CREB3L2: variants seen among roughly 807,000 people sequenced by gnomAD.
CREB3L2 encodes cAMP responsive element binding protein 3 like 2.
CREB3L2 carries 23 observed loss-of-function variants against 57.2 expected under a neutral mutation model. The ratio of observed to expected loss-of-function variants is 0.40; its 90% confidence interval spans 0.29 to 0.57. CREB3L2 has a LOEUF of 0.57. Ranked by LOEUF, CREB3L2 falls within the 20% of genes least tolerant of loss-of-function variation. The pLI is 0.42. For missense variants in CREB3L2, 628 were observed against 634.7 expected, an observed-to-expected ratio of 0.99 and a Z score of 0.11; for synonymous variants, 268 against 265.1, an observed-to-expected ratio of 1.01 and a Z score of -0.11.
chr7:137,923,940 A>G (rs1046322067), intron 2 of CREB3L2, among the ~76,000 whole-genome samples: 1 of 152,198 alleles, frequency 6.6e-6, no homozygotes, highest in Non-Finnish European at 1.5e-5. Flanking sequence ...AGGCAGAGAT[A>G]AAACCCTAGT....
At position 137,882,417 on chromosome 7, in the gene CREB3L2, C is replaced by CTGCT. The variant is rs750048206; in HGVS notation, c.1478_1481dup (p.His495AlafsTer12). ...TCTGTGTCTCTATGACTCACAGGTG[C>CTGCT]TGCTGCAGCTCCAAAAGCACTGACT... On this transcript the variant is annotated frameshift_variant, in exon 11 of 12. Transcript: ENST00000330387. LOFTEE classifies it high-confidence loss of function. 1 of 1,611,738 alleles carries CTGCT rather than the reference C, an allele frequency of 6.2e-7. No homozygotes were observed. The highest frequency in any genetic ancestry group is 1.7e-5 in the Admixed American group (1 of 59,922).
At chr7:137,986,474 T>C (rs1801794167) in intron 1 of CREB3L2, among the ~76,000 whole-genome samples, 1 of 152,196 alleles carries the variant, frequency 6.6e-6, no homozygotes, top group Admixed American at 6.5e-5. Context: ...ATCCATTACT[T>C]TGACACAAAG....
chr7:137,897,891 G>A (rs1008084708), intron 8 of CREB3L2, among the ~76,000 whole-genome samples: 9 of 151,830 alleles, frequency 5.9e-5, no homozygotes, highest in East Asian at 1.9e-4. Flanking sequence ...TCCTTAAGTC[G>A]AAACGTATGA....
chr7:137,907,445 C>G (rs1585612675), intron 5 of CREB3L2, among the ~76,000 whole-genome samples: 1 of 152,096 alleles, frequency 6.6e-6, no homozygotes, highest in Admixed American at 6.5e-5. Flanking sequence ...AGGGTGAATT[C>G]CCTTGTCCTC....
chr7:137,893,074 G>GA (rs949846330), intron 8 of CREB3L2, among the ~76,000 whole-genome samples: 28 of 146,128 alleles, frequency 1.9e-4, no homozygotes, highest in East Asian at 4.0e-4. Flanking sequence ...TGGCCTAAAT[G>GA]AAAAAAAAAA....
intron 1 of CREB3L2, among the ~76,000 whole-genome samples, chr7:137,977,182 T>C (rs1333934366): frequency 6.6e-6 from 1 of 152,202 alleles, no homozygotes; most frequent in African/African-American, 2.4e-5. Flanking sequence ...AGTGGAAGTC[T>C]GCATGGAAAT....
At chr7:137,887,577 C>T (rs1450903267) in intron 8 of CREB3L2, among the ~76,000 whole-genome samples, 5 of 152,038 alleles carry the variant, frequency 3.3e-5, no homozygotes, top group Non-Finnish European at 7.4e-5. Context: ...GGCACGGTGG[C>T]GGGCGTCTGT....
intron 1 of CREB3L2, among the ~76,000 whole-genome samples, chr7:137,955,862 C>T (rs983458287): frequency 3.9e-5 from 6 of 152,166 alleles, no homozygotes; most frequent in Admixed American, 6.5e-5. Context: ...TGCAAAAATT[C>T]AAAAAATTAC....
At chr7:137,899,116 G>A (rs1346277610) in intron 8 of CREB3L2, among the ~76,000 whole-genome samples, 2,991 of 100,352 alleles carry the variant, frequency 0.03, 44 homozygotes, top group Admixed American at 0.065. Flanking sequence ...AAGGAAGGAA[G>A]GAAGGAAGGA....
At chr7:137,946,096 T>C (rs930650449) in intron 1 of CREB3L2, among the ~76,000 whole-genome samples, 2 of 152,186 alleles carry the variant, frequency 1.3e-5, no homozygotes, top group African/African-American at 4.8e-5. Flanking sequence ...TCCTGCCCAC[T>C]GTAATAGGCT....
In CREB3L2 at chr7:138,001,598, C is replaced by T; in HGVS notation, c.102+6G>A. The T allele has an allele frequency of 6.2e-7, 1 of 1,608,356 alleles. No individual in the cohort carries two copies. The highest frequency in any genetic ancestry group is 8.5e-7 in the Non-Finnish European group (1 of 1,176,464). ...AGCCCTCCTGCCCCGCCCGCCGGGTCCTCACCGTGTGGTACATGAGGGCCT... is the reference window on the plus strand; with the variant it reads ...AGCCCTCCTGCCCCGCCCGCCGGGTTCTCACCGTGTGGTACATGAGGGCCT... On this transcript the variant is annotated splice_donor_region_variant and intron_variant, in intron 1 of 11. Coordinates refer to ENST00000330387, the MANE Select transcript of CREB3L2 (RefSeq NM_194071.4). The surrounding 1 kb of genome is among the most constrained non-coding windows in gnomAD (Gnocchi z 4.2).
intron 1 of CREB3L2, among the ~76,000 whole-genome samples, chr7:137,946,962 TTATA>T (rs1180667284): frequency 2.2e-5 from 1 of 46,048 alleles, no homozygotes; most frequent in Non-Finnish European, 4.9e-5. Flanking sequence ...ATATATATAG[TTATA>T]TATATAGTTA....
At chr7:138,000,081 G>T (rs1161722583) in intron 1 of CREB3L2, among the ~76,000 whole-genome samples, 2 of 152,188 alleles carry the variant, frequency 1.3e-5, no homozygotes, top group East Asian at 3.9e-4. Context: ...CAGCAAGGTA[G>T]ATGCCTGTGC....
intron 2 of CREB3L2, among the ~76,000 whole-genome samples, chr7:137,927,594 A>G (rs1199608983): frequency 6.6e-6 from 1 of 152,176 alleles, no homozygotes; most frequent in Non-Finnish European, 1.5e-5. Flanking sequence ...TAACATCTCT[A>G]AGGCCAGAAA....
At chr7:137,949,817 G>A (rs1801063984) in intron 1 of CREB3L2, among the ~76,000 whole-genome samples, 1 of 152,170 alleles carries the variant, frequency 6.6e-6, no homozygotes, top group Admixed American at 6.5e-5. Flanking sequence ...AATCCGCACT[G>A]GTTATTTGAT....
chr7:137,880,362 G>T lies in CREB3L2; in HGVS notation c.*114C>A. The T allele has an allele frequency of 1.2e-6, 1 of 842,158 alleles. No homozygotes were observed. The highest frequency in any genetic ancestry group is 1.5e-5 in the South Asian group (1 of 66,178). 52.2% of individuals were successfully genotyped at this position (842,158 alleles called of 1,614,324 possible). On this transcript the variant is annotated 3_prime_UTR_variant, in exon 12 of 12. Coordinates refer to ENST00000330387, the MANE Select transcript of CREB3L2 (RefSeq NM_194071.4). This position sits in a 1 kb window ranked among gnomAD's most constrained non-coding sequence, Gnocchi z 4.0. ...TGGTCTCCAATCTGAAGCCACTAATGCTTGCCCATGTCTCCATGAAGATCC... is the reference window on the plus strand; with the variant it reads ...TGGTCTCCAATCTGAAGCCACTAATTCTTGCCCATGTCTCCATGAAGATCC...
At chr7:137,924,337 A>G (rs1001505626) in intron 2 of CREB3L2, among the ~76,000 whole-genome samples, 1 of 152,224 alleles carries the variant, frequency 6.6e-6, no homozygotes. Flanking sequence ...ATCATCTTAG[A>G]GGATAGGGGC....
chr7:137,955,657 T>C (rs1801195164), intron 1 of CREB3L2, among the ~76,000 whole-genome samples: 1 of 152,152 alleles, frequency 6.6e-6, no homozygotes, highest in South Asian at 2.1e-4. Context: ...GAAAAAGAAC[T>C]GAAATATTAC....
At chr7:137,939,940 T>G (rs1028143764) in intron 1 of CREB3L2, among the ~76,000 whole-genome samples, 2 of 152,356 alleles carry the variant, frequency 1.3e-5, no homozygotes, top group Admixed American at 6.5e-5. Context: ...ACTCAGCCTA[T>G]GTCCAAATTC....
Sources: gnomAD v4.1 joint callset for allele counts (sites outside exome capture counted in the v4.1 genomes callset) on GRCh38, gnomAD v4.1.1 for gene constraint, Gnocchi (gnomAD v3.1) non-coding constraint, MANE v1.5 for transcripts, NCBI Gene and HGNC (gene_info 2026-07-23, HGNC 2026-07-21) for gene names.